Variants in LRCH1 observed in about 807,000 individuals in gnomAD.
The protein encoded by LRCH1 is leucine-rich repeat and calponin homology domain-containing protein 1.
A neutral mutation model predicts 94.9 loss-of-function variants in LRCH1; 23 were observed. That is an observed-to-expected ratio of 0.24 (90% CI 0.17 to 0.34). The LOEUF (loss-of-function observed/expected upper bound fraction) is 0.34. LRCH1 is among the 10% of genes least tolerant of loss of function. The probability of loss-of-function intolerance (pLI) is 1.00; values close to 1 mark genes in which losing one functional copy is unlikely to be tolerated. For missense variants in LRCH1, 790 were observed against 945.9 expected (o/e 0.84, Z 2.16); for synonymous variants, 364 against 354.9 (o/e 1.03, Z -0.29).
In LRCH1 at chr13:46,744,199, G is replaced by T; in HGVS notation, c.*2351G>T. On this transcript the variant is annotated 3_prime_UTR_variant, in exon 20 of 20. Coordinates refer to ENST00000389797, the MANE Select transcript of LRCH1 (RefSeq NM_001164211.2). ...TGCCTGCCCTTGCAGCTTGACTGGGGATACCTGGCTGACCTCCTTAGAGTC... is the reference window on the plus strand; with the variant it reads ...TGCCTGCCCTTGCAGCTTGACTGGGTATACCTGGCTGACCTCCTTAGAGTC... The T allele has an allele frequency of 3.0e-6, 3 of 985,374 alleles. No individual in the cohort carries two copies. Among genetic ancestry groups the T allele is most frequent in the Non-Finnish European group, 3.6e-6 (3 of 829,924 alleles). 61.0% of individuals were successfully genotyped at this position (985,374 alleles called of 1,614,324 possible).
At chr13:46,705,626 G>A in intron 13 of LRCH1, 1 of 473,708 alleles carries the variant, frequency 2.1e-6, no homozygotes, top group Admixed American at 3.3e-5. Flanking sequence ...GTCAGAACCT[G>A]GAGGAGGACC....
intron 1 of LRCH1, among the ~76,000 whole-genome samples, chr13:46,611,159 C>G (rs2050743362): frequency 6.6e-6 from 1 of 152,148 alleles, no homozygotes; most frequent in Non-Finnish European, 1.5e-5. Flanking sequence ...TTCTGAGAAC[C>G]AATTTTGCAG....
intron 1 of LRCH1, among the ~76,000 whole-genome samples, chr13:46,607,065 G>T (rs1211343480): frequency 1.3e-5 from 2 of 152,140 alleles, no homozygotes; most frequent in Admixed American, 1.3e-4. Context: ...TTGGCTAGGC[G>T]CTGGGATGGT....
chr13:46,602,874 C>T (rs1055141342), intron 1 of LRCH1, among the ~76,000 whole-genome samples: 3 of 152,126 alleles, frequency 2.0e-5, no homozygotes, highest in East Asian at 3.9e-4. Context: ...GATTGAGCCC[C>T]GGAGGTCAGT....
chr13:46,688,009 T>G, intron 6 of LRCH1, 30 bp downstream of exon 6: 3 of 1,587,278 alleles, frequency 1.9e-6, no homozygotes, highest in Non-Finnish European at 2.6e-6. Context: ...AAAGCCCCAG[T>G]TTAAAATTTG....
Position 46,553,595 on chromosome 13 carries a change from C to T in LRCH1, c.199C>T (p.Leu67Phe), listed in dbSNP as rs1488101133. Residue 67 changes from leucine (L) to phenylalanine (F), a missense_variant, in exon 1 of 20, where the codon CTT (leucine) becomes TTT (phenylalanine). Physicochemically the swap from Leu to Phe is conservative, Grantham distance 22 (BLOSUM62 0). Coordinates refer to ENST00000389797, the MANE Select transcript of LRCH1 (RefSeq NM_001164211.2). ...LPLNRGLERA[L>F]EEAANSGGLN... is the part of the protein sequence containing the mutation. ...CTTGAACCGGGGTCTGGAGCGCGCG[C>T]TTGAGGAGGCGGCCAACTCCGGGGG... The T allele has an allele frequency of 1.2e-5, 19 of 1,559,354 alleles. No homozygotes were observed. The highest frequency in any genetic ancestry group is 1.4e-5 in the Non-Finnish European group (16 of 1,152,690).
At chr13:46,604,664 C>CT (rs1002018796) in intron 1 of LRCH1, among the ~76,000 whole-genome samples, 10 of 152,056 alleles carry the variant, frequency 6.6e-5, no homozygotes, top group Non-Finnish European at 1.5e-4. Context: ...CCTTTTGTTT[C>CT]TTTTTTTATT....
At chr13:46,685,083 A>G (rs1010172679) in intron 4 of LRCH1, among the ~76,000 whole-genome samples, 1 of 152,080 alleles carries the variant, frequency 6.6e-6, no homozygotes, top group African/African-American at 2.4e-5. Context: ...CCCATAACAA[A>G]AGTTCCGAGG....
chr13:46,632,730 T>G (rs1056078516), intron 1 of LRCH1, among the ~76,000 whole-genome samples: 1 of 152,228 alleles, frequency 6.6e-6, no homozygotes, highest in African/African-American at 2.4e-5. Flanking sequence ...TTATTTGTTA[T>G]TCATGAATTC....
intron 1 of LRCH1, among the ~76,000 whole-genome samples, chr13:46,593,231 C>A (rs1039140045): frequency 4.0e-5 from 6 of 149,028 alleles, no homozygotes; most frequent in African/African-American, 1.5e-4. Flanking sequence ...TTCAACAAGA[C>A]TTGAAATAAA....
At chr13:46,667,792 T>G (rs964423316) in intron 2 of LRCH1, among the ~76,000 whole-genome samples, 3 of 152,210 alleles carry the variant, frequency 2.0e-5, no homozygotes, top group Admixed American at 6.5e-5. Flanking sequence ...ATAAAAGCAC[T>G]TGTAGAAAGT....
At chr13:46,722,162 C>T (rs2138217337) in intron 16 of LRCH1, among the ~76,000 whole-genome samples, 1 of 152,302 alleles carries the variant, frequency 6.6e-6, no homozygotes, top group Admixed American at 6.5e-5. Context: ...TTGTTTAAAT[C>T]ATCATGATTG....
chr13:46,626,370 A>C (rs2050950046), intron 1 of LRCH1, among the ~76,000 whole-genome samples: 1 of 152,188 alleles, frequency 6.6e-6, no homozygotes, highest in African/African-American at 2.4e-5. Context: ...GATCCACAAG[A>C]GAAGTAAAAA....
chr13:46,640,787 A>G (rs1375421251), intron 1 of LRCH1, among the ~76,000 whole-genome samples: 2 of 152,222 alleles, frequency 1.3e-5, no homozygotes, highest in Non-Finnish European at 2.9e-5. Flanking sequence ...AAGAAAATGT[A>G]GAACAGAGGA....
intron 1 of LRCH1, among the ~76,000 whole-genome samples, chr13:46,568,414 T>C (rs924424517): frequency 7.9e-5 from 12 of 152,344 alleles, no homozygotes; most frequent in Admixed American, 7.2e-4. Flanking sequence ...TACCTACCCA[T>C]GTCTAGTTGT....
At chr13:46,556,064 T>C (rs904615330) in intron 1 of LRCH1, among the ~76,000 whole-genome samples, 6 of 152,236 alleles carry the variant, frequency 3.9e-5, no homozygotes, top group African/African-American at 1.4e-4. Flanking sequence ...CATATTTACT[T>C]TAAGAATGTC....
chr13:46,699,462 C>A, intron 10 of LRCH1, 59 bp downstream of exon 10: 1 of 1,438,278 alleles, frequency 7.0e-7, no homozygotes, highest in Non-Finnish European at 9.8e-7. Context: ...TGCAAGCAGT[C>A]TGGCAGTTCT....
intron 14 of LRCH1, among the ~76,000 whole-genome samples, chr13:46,712,317 T>G (rs575807060): frequency 2.6e-5 from 4 of 152,328 alleles, no homozygotes; most frequent in Non-Finnish European, 5.9e-5. Context: ...CAAAACAAAT[T>G]GAGTGGGTCA....
chr13:46,635,760 C>A (rs188992473), intron 1 of LRCH1, among the ~76,000 whole-genome samples: 7 of 149,060 alleles, frequency 4.7e-5, no homozygotes, highest in African/African-American at 1.7e-4. Context: ...CGTGAGCCAC[C>A]GCACCCGGCC....
Sources: gnomAD v4.1 joint callset for allele counts (sites outside exome capture counted in the v4.1 genomes callset) on GRCh38, gnomAD v4.1.1 for gene constraint, MANE v1.5 for transcripts, NCBI Gene and HGNC (gene_info 2026-07-23, HGNC 2026-07-21) for gene names.